The following USP54 variants were observed in gnomAD, a reference collection of about 807,000 sequenced individuals.
USP54 encodes the protein ubiquitin specific peptidase 54.
USP54 carries 87 observed loss-of-function variants against 170.5 expected under a neutral mutation model. The ratio of observed to expected loss-of-function variants is 0.51; its 90% CI spans 0.43 to 0.61. The LOEUF is 0.61. USP54 is among the 20% of genes least tolerant of loss of function. USP54 has a pLI of 0.00. For missense variants in USP54, 1,786 were observed against 2,047.8 expected, an observed-to-expected ratio of 0.87 and a Z score of 2.47; for synonymous variants, 655 against 742.8, an observed-to-expected ratio of 0.88 and a Z score of 1.92.
At chr10:73,503,344 G>A (rs994830707) in intron 22 of USP54, among the ~76,000 whole-genome samples, 5 of 151,978 alleles carry the variant, frequency 3.3e-5, no homozygotes, top group African/African-American at 7.3e-5. Flanking sequence ...TTATTTATCC[G>A]TCCCTCACTG....
At chr10:73,537,868 G>A (rs890494305) in intron 10 of USP54, 2 of 152,070 alleles carry the variant, frequency 1.3e-5, no homozygotes, top group African/African-American at 4.8e-5. Context: ...CTCACTGCAT[G>A]AACTGTGCCT....
chr10:73,497,963 C>T lies in USP54; in HGVS notation c.*666G>A, dbSNP rs1344654058. On this transcript the variant is annotated 3_prime_UTR_variant, in exon 24 of 24. Transcript: ENST00000687698. The stretch of plus-strand genomic sequence containing the variant: ...TAGTAGGGAACAGAGGATGAGGGCT[C>T]AGGTGGAGGTGGGGACATAAAGCAT... The T allele has an allele frequency of 6.6e-6, 1 of 152,336 alleles. No individual in the cohort carries two copies. The highest frequency in any genetic ancestry group is 1.5e-5 in the Non-Finnish European group (1 of 68,152). The allele number at this position is 152,336 out of a possible 1,614,324, so 9.4% of individuals were successfully genotyped here. A position where few individuals can be genotyped will look rare whatever the true frequency, so the allele number is the denominator to read the frequency against.
At chr10:73,530,984 T>C in intron 12 of USP54, 149 bp from the exon 13 acceptor site, 1 of 1,098,468 alleles carries the variant, frequency 9.1e-7, no homozygotes, top group Non-Finnish European at 1.3e-6. Context: ...GATTTCAGTG[T>C]AGGAACCTCC....
At chr10:73,515,663 A>G (rs1347046603) in intron 20 of USP54, among the ~76,000 whole-genome samples, 1 of 152,202 alleles carries the variant, frequency 6.6e-6, no homozygotes, top group Non-Finnish European at 1.5e-5. Context: ...TCCTACTGCA[A>G]AGCAGACCTG....
upstream of USP54, among the ~76,000 whole-genome samples, chr10:73,593,390 A>AT (rs2078453879): frequency 1.3e-5 from 2 of 151,632 alleles, no homozygotes; most frequent in African/African-American, 2.4e-5. Flanking sequence ...AAAAAAAAAA[A>AT]AAAAGGAAAA....
At chr10:73,603,762 C>T (rs58367064) in intron 1 of USP54, among the ~76,000 whole-genome samples, 6 of 137,168 alleles carry the variant, frequency 4.4e-5, no homozygotes, top group African/African-American at 1.6e-4. Context: ...ACAAAAACAA[C>T]AAAAAAAAAA....
At chr10:73,517,849 G>T in intron 19 of USP54, 102 bp from the exon 20 acceptor site, 1 of 1,389,496 alleles carries the variant, frequency 7.2e-7, no homozygotes, top group Non-Finnish European at 9.8e-7. Context: ...ATTCACACAG[G>T]GAATGGTAAA....
At chr10:73,612,461 T>C (rs2080225968) in intron 1 of USP54, among the ~76,000 whole-genome samples, 1 of 152,188 alleles carries the variant, frequency 6.6e-6, no homozygotes, top group Non-Finnish European at 1.5e-5. Context: ...AACAGCCTAT[T>C]CTAGTGTTTT....
intron 14 of USP54, 38 bp from the exon 15 acceptor site, chr10:73,529,949 G>T: frequency 6.6e-7 from 1 of 1,515,506 alleles, no homozygotes; most frequent in East Asian, 2.3e-5. Flanking sequence ...AAATGAGGTA[G>T]ATTTAGCATT....
rs2075192557 is a variant in USP54 at position 73,571,485 on chromosome 10, C to T, written c.176G>A (p.Arg59His). The change falls in exon 4 of 24, where the codon CGT (arginine) becomes CAT (histidine). Residue 59 changes from arginine to histidine, a missense_variant. Physicochemically the swap from Arg to His is conservative, Grantham distance 29. Transcript: ENST00000687698. Reference sequence around the variant, plus strand: ...GTGAGTTGTAAGCTGCCTAAAGCTACGTCGGAAGATATCCAAGTGCCACAA... The same window carrying T: ...GTGAGTTGTAAGCTGCCTAAAGCTATGTCGGAAGATATCCAAGTGCCACAA... Reference protein sequence around the residue: ...QVLWHLDIFRRSFRQLTTHKC... With the variant: ...QVLWHLDIFRHSFRQLTTHKC... 9 of 1,613,622 alleles carry T rather than the reference C, an allele frequency of 5.6e-6. No individual in the cohort carries two copies. The highest frequency in any genetic ancestry group is 2.7e-5 in the African/African-American group (2 of 74,898).
intron 20 of USP54, 56 bp downstream of exon 20, chr10:73,516,319 C>A: frequency 7.2e-6 from 11 of 1,537,330 alleles, no homozygotes; most frequent in Non-Finnish European, 9.6e-6. Context: ...TCTTTCCCTG[C>A]TTTCAGCTTT....
chr10:73,584,907 C>G (rs541101310), intron 1 of USP54, among the ~76,000 whole-genome samples: 9 of 152,226 alleles, frequency 5.9e-5, no homozygotes, highest in Admixed American at 2.0e-4. Context: ...TACTAAGGTT[C>G]AGATCCTCAC....
At chr10:73,559,601 G>A (rs1486022916) in intron 4 of USP54, among the ~76,000 whole-genome samples, 2 of 150,494 alleles carry the variant, frequency 1.3e-5, no homozygotes, top group African/African-American at 2.4e-5. Context: ...GGTGGAAGGC[G>A]CCTGTAATCC....
intron 1 of USP54, among the ~76,000 whole-genome samples, chr10:73,578,537 G>A (rs746073455): frequency 2.6e-5 from 4 of 152,048 alleles, no homozygotes; most frequent in Non-Finnish European, 4.4e-5. Flanking sequence ...TCAGCCTCCC[G>A]AGTAGCTGGG....
intron 20 of USP54, among the ~76,000 whole-genome samples, chr10:73,513,914 A>C: frequency 6.6e-6 from 1 of 152,118 alleles, no homozygotes; most frequent in Non-Finnish European, 1.5e-5. Context: ...TCCTGGGTTC[A>C]AGCAATTCTC....
chr10:73,575,369 T>C, intron 3 of USP54, 143 bp downstream of exon 3: 13 of 970,300 alleles, frequency 1.3e-5, no homozygotes, highest in Non-Finnish European at 1.7e-5. Context: ...TTGCCAAAGA[T>C]CACACAGATA....
At chr10:73,556,039 G>A (rs1487092490) in intron 4 of USP54, among the ~76,000 whole-genome samples, 1 of 152,078 alleles carries the variant, frequency 6.6e-6, no homozygotes, top group Non-Finnish European at 1.5e-5. Flanking sequence ...ATGATCAAAG[G>A]ACCATATAAA....
chr10:73,619,464 T>C (rs1053292356), intron 1 of USP54, among the ~76,000 whole-genome samples: 4 of 146,032 alleles, frequency 2.7e-5, no homozygotes, highest in Non-Finnish European at 4.4e-5. Context: ...CTTGAACTTG[T>C]GGGCTCAAGC....
intron 15 of USP54, among the ~76,000 whole-genome samples, chr10:73,527,507 AAAAAAAAAAAAG>A (rs1234529440): frequency 1.3e-5 from 2 of 151,294 alleles, no homozygotes; most frequent in East Asian, 3.9e-4. Flanking sequence ...TCAAAAAAAA[AAAAAAAAAAAAG>A]AAAACAGAAA....
Sources: allele counts gnomAD v4.1 joint callset (sites outside exome capture counted in the v4.1 genomes callset), GRCh38; gene constraint gnomAD v4.1.1; transcripts MANE v1.5; gene names NCBI Gene and HGNC (gene_info 2026-07-23, HGNC 2026-07-21).